The following LHX4 variants were observed in gnomAD, a reference collection of about 807,000 sequenced individuals.
LHX4 encodes the protein LIM homeobox 4, also known as LIM/homeobox protein Lhx4.
In LHX4, 16 loss-of-function variants were observed where a neutral mutation model predicts 39.2. That is an observed-to-expected ratio of 0.41 (90% CI 0.28 to 0.62). The LOEUF is 0.62. Ranked by LOEUF, LHX4 falls within the 20% of genes least tolerant of loss-of-function variation. LHX4 has a pLI of 0.33. For synonymous variants in LHX4, 206 were observed against 198.1 expected, an observed-to-expected ratio of 1.04 and a Z score of -0.33; for missense variants, 439 against 511.9, an observed-to-expected ratio of 0.86 and a Z score of 1.37.
chr1:180,258,515 TG>T (rs1159074041), intron 2 of LHX4, among the ~76,000 whole-genome samples: 8 of 152,182 alleles, frequency 5.3e-5, no homozygotes, highest in African/African-American at 1.9e-4. Flanking sequence ...GGCGACCATG[TG>T]CAGAAGTGCC....
At position 180,278,591 on chromosome 1, in the gene LHX4, C is replaced by T. The variant is rs1488469760; in HGVS notation, c.*4012C>T. ...AGCACAGGTGAACAGAGGAAGGACA[C>T]CCCCACTCTCATCTATTGCCCACCG... On this transcript the variant is annotated 3_prime_UTR_variant, in exon 6 of 6. Coordinates refer to ENST00000263726, the MANE Select transcript of LHX4 (RefSeq NM_033343.4). 1.3e-5 allele frequency: 2 copies of T among 150,770 alleles called. No homozygotes were observed. Among genetic ancestry groups the T allele is most frequent in the African/African-American group, 4.9e-5 (2 of 40,822 alleles). 9.3% of individuals were successfully genotyped at this position (150,770 alleles called of 1,614,324 possible).
At chr1:180,256,549 G>T (rs112186212) in intron 2 of LHX4, among the ~76,000 whole-genome samples, 2 of 152,312 alleles carry the variant, frequency 1.3e-5, no homozygotes, top group Admixed American at 6.5e-5. Flanking sequence ...GGAGAATGAG[G>T]CCCTCAGTCT....
chr1:180,253,615 T>C (rs1647720474), intron 2 of LHX4, among the ~76,000 whole-genome samples: 1 of 152,266 alleles, frequency 6.6e-6, no homozygotes, highest in African/African-American at 2.4e-5. Context: ...CACAGGTAAC[T>C]AGGTCTTTCT....
At chr1:180,237,138 T>C (rs1355320731) in intron 1 of LHX4, among the ~76,000 whole-genome samples, 1 of 151,870 alleles carries the variant, frequency 6.6e-6, no homozygotes, top group Non-Finnish European at 1.5e-5. Context: ...TGTCTATCCC[T>C]TCCTTCCTTT....
rs554064842 is a variant in LHX4, at chr1:180,253,160, C to T, written c.248+4704C>T. Among the ~76,000 whole-genome samples, 46 of 152,288 alleles carry T rather than the reference C, an allele frequency of 3.0e-4. No homozygotes were observed. In the South Asian group the frequency reaches 7.9e-3, roughly 26 times the overall value. Reference sequence around the variant, plus strand: ...CTGTTATAATTTGAATCCCAAGCTGCGGGGCAATGACTCCTCGTGTCGCAT... The same window carrying T: ...CTGTTATAATTTGAATCCCAAGCTGTGGGGCAATGACTCCTCGTGTCGCAT... On this transcript the variant is annotated intron_variant, in intron 2 of 5. Coordinates refer to ENST00000263726, the MANE Select transcript of LHX4 (RefSeq NM_033343.4).
intron 1 of LHX4, among the ~76,000 whole-genome samples, chr1:180,239,325 T>G (rs1454743229): frequency 6.6e-6 from 1 of 152,240 alleles, no homozygotes; most frequent in Non-Finnish European, 1.5e-5. Flanking sequence ...AGAACAGCAA[T>G]GTCTGCAATT....
At chr1:180,250,089 C>A (rs190011145) in intron 2 of LHX4, among the ~76,000 whole-genome samples, 1 of 152,214 alleles carries the variant, frequency 6.6e-6, no homozygotes, top group Admixed American at 6.5e-5. Flanking sequence ...TCTGGTCCTT[C>A]CTCTGAGCTT....
intron 2 of LHX4, among the ~76,000 whole-genome samples, chr1:180,257,151 G>C (rs1647892411): frequency 6.6e-6 from 1 of 152,132 alleles, no homozygotes; most frequent in Non-Finnish European, 1.5e-5. Context: ...CGGGAGAGTT[G>C]GGCTCTCGTC....
chr1:180,259,562 C>T (rs1311697664), intron 2 of LHX4, among the ~76,000 whole-genome samples: 3 of 151,518 alleles, frequency 2.0e-5, no homozygotes, highest in Middle Eastern at 3.4e-3. Context: ...TGGGAGGGCG[C>T]CAGCAGCTGA....
chr1:180,255,688 C>T lies in LHX4; in HGVS notation c.248+7232C>T, dbSNP rs532187877. Among the ~76,000 whole-genome samples the T allele has an allele frequency of 8.5e-5, 13 of 152,332 alleles. No individual in the cohort carries two copies. The South Asian group carries it at 1.4e-3, about 17-fold the overall frequency. ...TTAGCCCCGAAGCTCCCCCAGGGAC[C>T]GAGGCTGTAAATCAGGAGGTGATGA... On this transcript the variant is annotated intron_variant, in intron 2 of 5. Transcript: ENST00000263726.
intron 2 of LHX4, among the ~76,000 whole-genome samples, chr1:180,257,766 C>A (rs553535460): frequency 2.6e-5 from 4 of 152,176 alleles, no homozygotes; most frequent in East Asian, 3.8e-4. Flanking sequence ...TTCCTCAGGA[C>A]GGTGCACCGT....
chr1:180,240,474 G>T (rs1420131759), intron 1 of LHX4, among the ~76,000 whole-genome samples: 1 of 152,182 alleles, frequency 6.6e-6, no homozygotes, highest in Admixed American at 6.5e-5. Context: ...GTCATTGTCG[G>T]ATATGTTGGC....
upstream of LHX4, among the ~76,000 whole-genome samples, chr1:180,228,749 A>C (rs1222667680): frequency 6.6e-6 from 1 of 152,156 alleles, no homozygotes; most frequent in Non-Finnish European, 1.5e-5. Flanking sequence ...AGCGCAGACG[A>C]CCAGGCCATT....
chr1:180,255,429 G>A (rs530919244), intron 2 of LHX4, among the ~76,000 whole-genome samples: 1 of 152,380 alleles, frequency 6.6e-6, no homozygotes, highest in Admixed American at 6.5e-5. Flanking sequence ...CAGTGCTCTA[G>A]CAGAATGTGC....
chr1:180,242,516 G>A (rs531659164), intron 1 of LHX4, among the ~76,000 whole-genome samples: 80 of 152,136 alleles, frequency 5.3e-4, no homozygotes, highest in Non-Finnish European at 9.3e-4. Flanking sequence ...ATATATCTGC[G>A]TGTATATTGA....
intron 1 of LHX4, among the ~76,000 whole-genome samples, chr1:180,231,011 C>T (rs1045240618): frequency 2.6e-5 from 4 of 152,140 alleles, no homozygotes; most frequent in Non-Finnish European, 5.9e-5. Flanking sequence ...CAACTTCACC[C>T]CAGCTGGCGG....
chr1:180,264,300 T>G (rs932844931), intron 2 of LHX4, among the ~76,000 whole-genome samples: 2 of 152,138 alleles, frequency 1.3e-5, no homozygotes, highest in East Asian at 3.8e-4. Flanking sequence ...GGATTGGATA[T>G]TAAATATACA....
rs1022263285 is a variant in LHX4 at position 180,230,677 on chromosome 1, G to A, written c.76+72G>A. 4.2e-6 allele frequency: 6 copies of A among 1,438,808 alleles called. 1 individual carries two copies. The African/African-American group carries it at 8.4e-5, about 20-fold the overall frequency. 89.1% of individuals were successfully genotyped at this position (1,438,808 alleles called of 1,614,324 possible). On this transcript the variant is annotated intron_variant, in intron 1 of 5. Coordinates refer to ENST00000263726, the MANE Select transcript of LHX4 (RefSeq NM_033343.4). This position sits in a 1 kb window ranked among gnomAD's most constrained non-coding sequence, Gnocchi z 5.8. Reference sequence around the variant, plus strand: ...AGCAGCCTCAGCCGCTGCGGGGCGGGCCGGACGCCGCTCAGGGGCCGGGAG... The same window carrying A: ...AGCAGCCTCAGCCGCTGCGGGGCGGACCGGACGCCGCTCAGGGGCCGGGAG...
At position 180,271,930 on chromosome 1, in the gene LHX4, C is replaced by A. The variant is rs1397137711; in HGVS notation, c.702C>A (p.Ser234Arg). The A allele has an allele frequency of 6.2e-7, 1 of 1,613,134 alleles. No individual in the cohort carries two copies. The highest frequency in any genetic ancestry group is 2.2e-5 in the East Asian group (1 of 44,768). The change falls in exon 5 of 6, where the codon AGC becomes AGA. Residue 234 changes from serine (S) to arginine (R), a missense_variant. Transcript: ENST00000263726. ...AGTTCTATAAGAGCGTCAAGAGGAG[C>A]CGGGGCAGCAGCAAGCAGGAGAAGG... Reference protein sequence around the residue: ...WGQFYKSVKRSRGSSKQEKES... With the variant: ...WGQFYKSVKRRRGSSKQEKES...
Sources: allele counts gnomAD v4.1 joint callset (sites outside exome capture counted in the v4.1 genomes callset), GRCh38; gene constraint gnomAD v4.1.1; non-coding constraint Gnocchi (gnomAD v3.1); transcripts MANE v1.5; gene names NCBI Gene and HGNC (gene_info 2026-07-23, HGNC 2026-07-21).